SIPA1L3: variants seen among roughly 807,000 people sequenced by gnomAD.
The protein encoded by SIPA1L3 is signal-induced proliferation-associated 1-like protein 3.
Under a neutral mutation model 150.1 loss-of-function variants are expected in SIPA1L3, and 59 were observed. The observed-to-expected ratio is 0.39, with a 90% CI of 0.32 to 0.49. SIPA1L3 has a LOEUF of 0.49. Among genes scored for constraint, SIPA1L3 ranks in the 20% least tolerant of loss-of-function variants. SIPA1L3 has a pLI of 0.86. For synonymous variants in SIPA1L3, 1,070 were observed against 1,077.6 expected (o/e 0.99, Z 0.14); for missense variants, 2,211 against 2,489.5 (o/e 0.89, Z 2.38).
intron 1 of SIPA1L3, among the ~76,000 whole-genome samples, chr19:38,026,082 A>G (rs1229524458): frequency 6.6e-6 from 1 of 152,222 alleles, no homozygotes; most frequent in Non-Finnish European, 1.5e-5. Flanking sequence ...AAGGAAGTCT[A>G]AAAGGAAGTG....
chr19:38,147,461 G>T (rs1421129504), intron 12 of SIPA1L3, among the ~76,000 whole-genome samples: 1 of 152,034 alleles, frequency 6.6e-6, no homozygotes, highest in Non-Finnish European at 1.5e-5. Flanking sequence ...GCTTAGTGCT[G>T]GGTCCTGAAG....
intron 10 of SIPA1L3, among the ~76,000 whole-genome samples, chr19:38,135,733 C>G (rs1334484426): frequency 6.6e-6 from 1 of 152,110 alleles, no homozygotes; most frequent in Admixed American, 6.5e-5. Flanking sequence ...CAGGATCTCC[C>G]GTTTGCAGGG....
Position 38,042,930 on chromosome 19 carries a change from C to T in SIPA1L3, c.-311+13774C>T, listed in dbSNP as rs533716238. On this transcript the variant is annotated intron_variant, in intron 2 of 21. Transcript: ENST00000222345. ...TTGGAATCTCAGCCATCCCCTTCTACCTCTATGACCATGGCCAAAGCACTT... is the reference window on the plus strand; with the variant it reads ...TTGGAATCTCAGCCATCCCCTTCTATCTCTATGACCATGGCCAAAGCACTT... 2.0e-5 allele frequency among the ~76,000 whole-genome samples: 3 copies of T among 152,350 alleles called. No homozygotes were observed. The East Asian group carries it at 5.8e-4, about 29-fold the overall frequency.
intron 19 of SIPA1L3, chr19:38,200,075 T>G (rs967652259): frequency 6.6e-6 from 1 of 151,976 alleles, no homozygotes; most frequent in Non-Finnish European, 1.5e-5. Flanking sequence ...CAAAAAAATT[T>G]ATTTTACTTA....
In SIPA1L3 at chr19:37,919,568, G is replaced by A. The variant is rs149632021; in HGVS notation, c.-379+12210G>A. Among the ~76,000 whole-genome samples, 538 of 152,210 alleles carry A rather than the reference G, an allele frequency of 3.5e-3. 3 individuals are homozygous for A. The highest frequency in any genetic ancestry group is 0.012 in the African/African-American group (500 of 41,536). On this transcript the variant is annotated intron_variant, in intron 1 of 21. Coordinates refer to ENST00000222345, the MANE Select transcript of SIPA1L3 (RefSeq NM_015073.3). Reference sequence around the variant, plus strand: ...TTAAACACTCACTGTGTGGTCTTTCGATGAACAGACAGACGAACAGATGGG... The same window carrying A: ...TTAAACACTCACTGTGTGGTCTTTCAATGAACAGACAGACGAACAGATGGG...
chr19:38,193,725 G>A lies in SIPA1L3; in HGVS notation c.4785G>A (p.Pro1595=), dbSNP rs576109096. ...PARRQHQHPH[P]PVGPGATPAA... is the part of the protein sequence containing the mutation. ...GCCGCCAGCACCAGCACCCCCACCCGCCCGTCGGCCCCGGTGCCACCCCTG... is the reference window on the plus strand; with the variant it reads ...GCCGCCAGCACCAGCACCCCCACCCACCCGTCGGCCCCGGTGCCACCCCTG... The change falls in exon 18 of 22, where the codon CCG becomes CCA. Residue 1595 remains proline, a synonymous_variant. Transcript: ENST00000222345. The A allele has an allele frequency of 3.9e-4, 612 of 1,564,936 alleles. 3 individuals are homozygous for A. The highest frequency in any genetic ancestry group is 2.1e-4 in the Middle Eastern group (1 of 4,682).
intron 1 of SIPA1L3, among the ~76,000 whole-genome samples, chr19:37,950,399 G>A (rs2046752612): frequency 6.6e-6 from 1 of 152,192 alleles, no homozygotes; most frequent in Non-Finnish European, 1.5e-5. Context: ...GGAATAAAGA[G>A]CGTAGGATTG....
At chr19:38,142,381 C>T (rs992120556) in intron 11 of SIPA1L3, among the ~76,000 whole-genome samples, 192 bp from the exon 12 acceptor site, 3 of 152,134 alleles carry the variant, frequency 2.0e-5, no homozygotes, top group Admixed American at 1.3e-4. Context: ...CAGCTTCTCT[C>T]GCCCTGTGCT....
At chr19:38,103,883 T>TA (rs1970562545) in intron 6 of SIPA1L3, among the ~76,000 whole-genome samples, 1 of 117,732 alleles carries the variant, frequency 8.5e-6, no homozygotes, top group Non-Finnish European at 1.6e-5. Flanking sequence ...GCCTGGGCGA[T>TA]ACAGCGAGAC....
In SIPA1L3 at chr19:38,002,463, G is replaced by A. The variant is rs138169283; in HGVS notation, c.-378-26626G>A. On this transcript the variant is annotated intron_variant, in intron 1 of 21. Coordinates refer to ENST00000222345, the MANE Select transcript of SIPA1L3 (RefSeq NM_015073.3). ...TATATCACATTTTGTGGCCAGGTGC[G>A]GTGGCTCACACCTGTAATCCCAGCA... Among the ~76,000 whole-genome samples, 155 of 152,008 alleles carry A rather than the reference G, an allele frequency of 1.0e-3. 2 individuals carry two copies. The highest frequency in any genetic ancestry group is 1.7e-3 in the African/African-American group (69 of 41,448).
chr19:37,966,610 C>A (rs2046906428), intron 1 of SIPA1L3, among the ~76,000 whole-genome samples: 1 of 152,144 alleles, frequency 6.6e-6, no homozygotes, highest in South Asian at 2.1e-4. Context: ...TCCTGTCCTG[C>A]CAGCCATCTG....
chr19:38,060,203 T>G (rs1969417008), intron 2 of SIPA1L3, among the ~76,000 whole-genome samples: 1 of 152,234 alleles, frequency 6.6e-6, no homozygotes, highest in Non-Finnish European at 1.5e-5. Context: ...TTTTGAACTT[T>G]ATATAAAAAC....
intron 1 of SIPA1L3, among the ~76,000 whole-genome samples, chr19:38,023,743 A>G (rs1028387873): frequency 1.3e-5 from 2 of 152,240 alleles, no homozygotes; most frequent in Non-Finnish European, 2.9e-5. Flanking sequence ...ACAGCGGCAC[A>G]GAAGAGAAAG....
In SIPA1L3 at chr19:38,078,512, GCACA is replaced by G. The variant is rs963191103; in HGVS notation, c.-310-2735_-310-2732del. Among the ~76,000 whole-genome samples the G allele has an allele frequency of 7.3e-4, 94 of 129,654 alleles. 1 individual carries two copies. Among genetic ancestry groups the G allele is most frequent in the Admixed American group, 6.2e-3 (83 of 13,326 alleles). 85.1% of individuals were successfully genotyped at this position (129,654 alleles called of 152,430 possible). A position where few individuals can be genotyped will look rare whatever the true frequency, so the allele number is the denominator to read the frequency against. On this transcript the variant is annotated intron_variant, in intron 2 of 21. Coordinates refer to ENST00000222345, the MANE Select transcript of SIPA1L3 (RefSeq NM_015073.3). ...CACACACACACAGGCACACAGACAT[GCACA>G]CACACACAGACGCACACAGACACGC...
intron 1 of SIPA1L3, among the ~76,000 whole-genome samples, chr19:37,925,108 C>T (rs1330273681): frequency 3.3e-5 from 5 of 151,820 alleles, no homozygotes; most frequent in South Asian, 4.2e-4. Context: ...TTGTCTTTTA[C>T]GTGACTGGAA....
chr19:38,089,191 G>A (rs1970207340), intron 4 of SIPA1L3, among the ~76,000 whole-genome samples: 2 of 151,884 alleles, frequency 1.3e-5, no homozygotes, highest in South Asian at 2.1e-4. Flanking sequence ...GGTAGCACGC[G>A]CCTGTAATCC....
At chr19:37,973,534 CAAAAAA>C (rs59279280) in intron 1 of SIPA1L3, among the ~76,000 whole-genome samples, 1 of 51,512 alleles carries the variant, frequency 1.9e-5, no homozygotes, top group Non-Finnish European at 3.4e-5. Context: ...TGTGCCTGGC[CAAAAAA>C]AAAAAAAAAA....
At chr19:37,951,165 C>T (rs996398305) in intron 1 of SIPA1L3, among the ~76,000 whole-genome samples, 3 of 152,186 alleles carry the variant, frequency 2.0e-5, no homozygotes, top group African/African-American at 4.8e-5. Context: ...TGTGTCTGTC[C>T]GTTAGATCAC....
intron 1 of SIPA1L3, among the ~76,000 whole-genome samples, chr19:37,960,043 A>G (rs1203645960): frequency 6.6e-6 from 1 of 152,056 alleles, no homozygotes; most frequent in Non-Finnish European, 1.5e-5. Context: ...CTTTTAAATC[A>G]GTCGAGAAGA....
Sources: allele counts gnomAD v4.1 joint callset (sites outside exome capture counted in the v4.1 genomes callset), GRCh38; gene constraint gnomAD v4.1.1; transcripts MANE v1.5; gene names NCBI Gene and HGNC (gene_info 2026-07-23, HGNC 2026-07-21).